The following PTP4A2 variants were observed in gnomAD, a reference collection of about 807,000 sequenced individuals.
PTP4A2 encodes the protein protein tyrosine phosphatase 4A2, also known as protein tyrosine phosphatase type IVA 2.
A neutral mutation model predicts 22.9 loss-of-function variants in PTP4A2; 2 were observed. That is an observed-to-expected ratio of 0.09 (90% CI 0.04 to 0.27). The LOEUF (loss-of-function observed/expected upper bound fraction) is 0.27, where lower values mean the gene tolerates loss of function less well. Among genes scored for constraint, PTP4A2 ranks in the 10% least tolerant of loss-of-function variants. The pLI is 1.00. For synonymous variants in PTP4A2, 68 were observed against 69.1 expected, an observed-to-expected ratio of 0.98 and a Z score of 0.08; for missense variants, 103 against 205.1, an observed-to-expected ratio of 0.50 and a Z score of 3.04.
In PTP4A2 at chr1:31,930,208, GGCGCCTGTAGTTCCA is replaced by G. The variant is rs375424285; in HGVS notation, c.-594+7764_-594+7778del. ...AAAAAATTAGCCGGGCGAGGTGGCG[GGCGCCTGTAGTTCCA>G]GCTACTAGGGAGGCTGAGGCAGGAG... is the stretch of plus-strand genomic sequence containing the variant. On this transcript the variant is annotated intron_variant, in intron 1 of 5. Coordinates refer to ENST00000647444, the MANE Select transcript of PTP4A2 (RefSeq NM_080391.4). Among the ~76,000 whole-genome samples, 654 of 152,144 alleles carry G rather than the reference GGCGCCTGTAGTTCCA, an allele frequency of 4.3e-3. 4 individuals are homozygous for G. The highest frequency in any genetic ancestry group is 0.015 in the African/African-American group (633 of 41,498).
At chr1:31,917,042 C>T (rs1007741739) in intron 2 of PTP4A2, among the ~76,000 whole-genome samples, 7 of 152,206 alleles carry the variant, frequency 4.6e-5, no homozygotes, top group Admixed American at 3.3e-4. Context: ...ACTCTCCCTA[C>T]GGTGAATCCC....
In PTP4A2 at chr1:31,908,227, T is replaced by G. The variant is rs12739834; in HGVS notation, c.*625A>C. The stretch of plus-strand genomic sequence containing the variant: ...ATATATCACTGCTGTTTTTTTGGTG[T>G]TGTTTTTTGTTTTTTTTTTTTTTTT... On this transcript the variant is annotated 3_prime_UTR_variant, in exon 6 of 6. Coordinates refer to ENST00000647444, the MANE Select transcript of PTP4A2 (RefSeq NM_080391.4). 11 of 84,078 alleles carry G rather than the reference T, an allele frequency of 1.3e-4. No homozygotes were observed. Among genetic ancestry groups the G allele is most frequent in the African/African-American group, 2.8e-4 (5 of 17,638 alleles). 5.2% of individuals were successfully genotyped at this position (84,078 alleles called of 1,614,324 possible).
At chr1:31,910,284 GA>G (rs1280270928) in intron 4 of PTP4A2, 172 bp from the exon 5 acceptor site, 1 of 524,860 alleles carries the variant, frequency 1.9e-6, no homozygotes, top group Non-Finnish European at 3.4e-6. Context: ...TTAATTCTAT[GA>G]TTTTTTTTTT....
At chr1:31,917,505 A>G (rs1375135453) in intron 2 of PTP4A2, among the ~76,000 whole-genome samples, 1 of 152,212 alleles carries the variant, frequency 6.6e-6, no homozygotes, top group Non-Finnish European at 1.5e-5. Context: ...TTCATTGAAA[A>G]GTTGCGATAA....
intron 2 of PTP4A2, among the ~76,000 whole-genome samples, chr1:31,916,378 C>CAAAG (rs1651845673): frequency 8.1e-6 from 1 of 123,532 alleles, no homozygotes; most frequent in African/African-American, 3.0e-5. Flanking sequence ...AAAAAGAAAT[C>CAAAG]TACTATTATA....
rs555260379 is a variant in PTP4A2, at chr1:31,910,890, T to C, written c.321-778A>G. On this transcript the variant is annotated intron_variant, in intron 4 of 5. Coordinates refer to ENST00000647444, the MANE Select transcript of PTP4A2 (RefSeq NM_080391.4). ...AGGAAAATGCCCAAGAATTGATGACTAGAAGAAGTTCTATCTTTTTAAAAA... is the reference window on the plus strand; with the variant it reads ...AGGAAAATGCCCAAGAATTGATGACCAGAAGAAGTTCTATCTTTTTAAAAA... 7.2e-5 allele frequency: 11 copies of C among 152,346 alleles called. No individual in the cohort carries two copies. The South Asian group carries it at 1.9e-3, about 26-fold the overall frequency. The allele number at this position is 152,346 out of a possible 1,614,324, so 9.4% of individuals were successfully genotyped here.
chr1:31,928,929 A>G (rs1377002875), intron 1 of PTP4A2, among the ~76,000 whole-genome samples: 1 of 152,180 alleles, frequency 6.6e-6, no homozygotes, highest in Non-Finnish European at 1.5e-5. Flanking sequence ...ATTAGTCAAC[A>G]ATCGCACCTG....
intron 3 of PTP4A2, among the ~76,000 whole-genome samples, chr1:31,913,473 C>T (rs1357357287): frequency 6.6e-6 from 1 of 152,108 alleles, no homozygotes; most frequent in Non-Finnish European, 1.5e-5. Flanking sequence ...ACTTTTAGTT[C>T]TTTAAGGAAT....
chr1:31,930,432 G>A lies in PTP4A2; in HGVS notation c.-594+7555C>T, dbSNP rs146726203. On this transcript the variant is annotated intron_variant, in intron 1 of 5. Coordinates refer to ENST00000647444, the MANE Select transcript of PTP4A2 (RefSeq NM_080391.4). Reference sequence around the variant, plus strand: ...CCCCATTTTGTCAAATGTATTGAGCGTATTTAAAGGTCCTGTTCCAGTATT... The same window carrying A: ...CCCCATTTTGTCAAATGTATTGAGCATATTTAAAGGTCCTGTTCCAGTATT... Among the ~76,000 whole-genome samples the A allele has an allele frequency of 3.6e-4, 55 of 152,248 alleles. No individual in the cohort carries two copies. In the East Asian group the frequency reaches 9.5e-3, roughly 26 times the overall value.
intron 1 of PTP4A2, among the ~76,000 whole-genome samples, chr1:31,926,381 T>C (rs897629254): frequency 1.3e-5 from 2 of 152,028 alleles, no homozygotes; most frequent in Admixed American, 6.6e-5. Flanking sequence ...AAAACGAGTA[T>C]GCATATATTT....
At chr1:31,930,174 T>C (rs1652661617) in intron 1 of PTP4A2, among the ~76,000 whole-genome samples, 1 of 151,992 alleles carries the variant, frequency 6.6e-6, no homozygotes, top group African/African-American at 2.4e-5. Context: ...CCGTCTCTAC[T>C]AAAAATACAA....
In PTP4A2 at chr1:31,908,420, G is replaced by GA. The variant is rs1395603314; in HGVS notation, c.*431dup. On this transcript the variant is annotated 3_prime_UTR_variant, in exon 6 of 6. Coordinates refer to ENST00000647444, the MANE Select transcript of PTP4A2 (RefSeq NM_080391.4). Reference sequence around the variant, plus strand: ...ACCAACCCTCCCCCACAAAAAAAGGGAAAAAAAAAATCCCACCACAGGGAG... The same window carrying GA: ...ACCAACCCTCCCCCACAAAAAAAGGGAAAAAAAAAAATCCCACCACAGGGAG... The GA allele has an allele frequency of 3.1e-3, 451 of 143,988 alleles. 4 individuals are homozygous for GA. Among genetic ancestry groups the GA allele is most frequent in the African/African-American group, 0.011 (414 of 39,118 alleles). 8.9% of individuals were successfully genotyped at this position (143,988 alleles called of 1,614,324 possible). A position where few individuals can be genotyped will look rare whatever the true frequency, so the allele number is the denominator to read the frequency against.
chr1:31,908,680 T>C lies in PTP4A2; in HGVS notation c.*172A>G, dbSNP rs1332182063. The stretch of plus-strand genomic sequence containing the variant: ...TTTCTTAAACATTTTATTCATTTTA[T>C]AGAGAGATTTCTTTTTTGTTTGCTT... On this transcript the variant is annotated 3_prime_UTR_variant, in exon 6 of 6. Coordinates refer to ENST00000647444, the MANE Select transcript of PTP4A2 (RefSeq NM_080391.4). The C allele has an allele frequency of 1.6e-5, 7 of 428,868 alleles. No individual in the cohort carries two copies. The highest frequency in any genetic ancestry group is 8.3e-6 in the Non-Finnish European group (2 of 240,542). 26.6% of individuals were successfully genotyped at this position (428,868 alleles called of 1,614,324 possible).
intron 1 of PTP4A2, chr1:31,931,196 T>A (rs193142513): frequency 6.6e-6 from 1 of 152,344 alleles, no homozygotes; most frequent in African/African-American, 2.4e-5. Flanking sequence ...GTTTTCATAT[T>A]ACCACCACAA....
chr1:31,923,490 A>G (rs561786232), intron 1 of PTP4A2, among the ~76,000 whole-genome samples: 1 of 150,532 alleles, frequency 6.6e-6, no homozygotes, highest in East Asian at 2.0e-4. Context: ...GCCCGCTACC[A>G]CGCCCGGCTA....
At chr1:31,915,706 G>C (rs1651794312) in intron 3 of PTP4A2, 189 bp downstream of exon 3, 1 of 407,524 alleles carries the variant, frequency 2.5e-6, no homozygotes, top group African/African-American at 2.1e-5. Context: ...TGCCCCACCA[G>C]TTTTTTAATT....
At chr1:31,924,952 C>A (rs1652378495) in intron 1 of PTP4A2, among the ~76,000 whole-genome samples, 1 of 152,032 alleles carries the variant, frequency 6.6e-6, no homozygotes, top group African/African-American at 2.4e-5. Flanking sequence ...TCTGTATGAA[C>A]TGATATGAAA....
chr1:31,923,108 TCA>T (rs1384400064), intron 1 of PTP4A2, among the ~76,000 whole-genome samples: 1 of 151,780 alleles, frequency 6.6e-6, no homozygotes, highest in Non-Finnish European at 1.5e-5. Context: ...AGACAGGGTT[TCA>T]CCAAAGGCCA....
At position 31,932,187 on chromosome 1, in the gene PTP4A2, T is replaced by G. The variant is rs145945743; in HGVS notation, c.-594+5800A>C. On this transcript the variant is annotated intron_variant, in intron 1 of 5. Transcript: ENST00000647444. Reference sequence around the variant, plus strand: ...TAAAAATATAAAGTAATTTATCTGATCTGCTAAAACAAATATATCATGTGT... The same window carrying G: ...TAAAAATATAAAGTAATTTATCTGAGCTGCTAAAACAAATATATCATGTGT... Among the ~76,000 whole-genome samples the G allele has an allele frequency of 2.7e-3, 411 of 152,362 alleles. 3 individuals are homozygous for G. Among genetic ancestry groups the G allele is most frequent in the Middle Eastern group, 6.8e-3 (2 of 294 alleles).
Sources: allele counts gnomAD v4.1 joint callset (sites outside exome capture counted in the v4.1 genomes callset), GRCh38; gene constraint gnomAD v4.1.1; transcripts MANE v1.5; gene names NCBI Gene and HGNC (gene_info 2026-07-23, HGNC 2026-07-21).